Variants in ADAMTSL1 observed in about 807,000 individuals in gnomAD.
The protein encoded by ADAMTSL1 is ADAMTS-like protein 1.
ADAMTSL1 carries 126 observed loss-of-function variants against 201.8 expected under a neutral mutation model. The ratio of observed to expected loss-of-function variants is 0.62; its 90% confidence interval spans 0.54 to 0.72. ADAMTSL1 has a LOEUF of 0.72. ADAMTSL1 is among the 30% of genes least tolerant of loss of function. The pLI is 0.00. For missense variants in ADAMTSL1, 2,679 were observed against 2,277.8 expected (o/e 1.18, Z -3.59); for synonymous variants, 1,121 against 903.4 (o/e 1.24, Z -4.32).
intron 1 of ADAMTSL1, among the ~76,000 whole-genome samples, chr9:18,483,182 A>G (rs962748625): frequency 6.6e-6 from 1 of 152,230 alleles, no homozygotes; most frequent in Non-Finnish European, 1.5e-5. Flanking sequence ...AGAGTTTGAT[A>G]TAGAAAAAGT....
At chr9:18,078,207 A>T (rs755090659) in intron 1 of ADAMTSL1, among the ~76,000 whole-genome samples, 2 of 152,218 alleles carry the variant, frequency 1.3e-5, no homozygotes, top group Non-Finnish European at 2.9e-5. Context: ...CTCATGAGAT[A>T]GAATAAAAAT....
chr9:18,426,055 G>A (rs7037636), intron 2 of ADAMTSL1, among the ~76,000 whole-genome samples: 4,701 of 152,016 alleles, frequency 0.031, 231 homozygotes, highest in African/African-American at 0.1. Context: ...AGTTTATTTC[G>A]TCAAAAGTGT....
At chr9:18,494,303 C>T (rs1822414869) in intron 1 of ADAMTSL1, among the ~76,000 whole-genome samples, 2 of 150,352 alleles carry the variant, frequency 1.3e-5, no homozygotes, top group African/African-American at 4.9e-5. Context: ...TTGCAGTGAG[C>T]TGAGATCACA....
At chr9:18,120,481 C>A (rs1713597258) in intron 1 of ADAMTSL1, among the ~76,000 whole-genome samples, 1 of 152,190 alleles carries the variant, frequency 6.6e-6, no homozygotes, top group Admixed American at 6.5e-5. Flanking sequence ...CTGCCTACCA[C>A]AGCCACATGG....
Position 18,710,417 on chromosome 9 carries a change from C to G in ADAMTSL1, c.1876+3369C>G, listed in dbSNP as rs149759273. Among the ~76,000 whole-genome samples, 299 of 152,344 alleles carry G rather than the reference C, an allele frequency of 2.0e-3. 2 individuals carry two copies. The highest frequency in any genetic ancestry group is 5.4e-3 in the African/African-American group (224 of 41,568). ...TCCCTGTGATAACAGAGATTTAACA[C>G]ACAGCACTGGGGAGGCCTAGAGCCT... On this transcript the variant is annotated intron_variant, in intron 14 of 28. Coordinates refer to ENST00000380548, the MANE Select transcript of ADAMTSL1 (RefSeq NM_001040272.6).
rs573813911 is a variant in ADAMTSL1, at chr9:18,465,305, G to C, written c.208-39524G>C. Among the ~76,000 whole-genome samples, 6 of 152,256 alleles carry C rather than the reference G, an allele frequency of 3.9e-5. No individual in the cohort carries two copies. In the East Asian group the frequency reaches 1.2e-3, roughly 29 times the overall value. On this transcript the variant is annotated intron_variant, in intron 2 of 29. Transcript: ENST00000680146. ...TAGTTTTGCTTAGTCCTGCCACCCTGTATTGCTTTAAAACATACATGTTGT... is the reference window on the plus strand; with the variant it reads ...TAGTTTTGCTTAGTCCTGCCACCCTCTATTGCTTTAAAACATACATGTTGT...
intron 1 of ADAMTSL1, among the ~76,000 whole-genome samples, chr9:18,075,784 G>C (rs1289955506): frequency 1.3e-5 from 2 of 152,172 alleles, no homozygotes; most frequent in African/African-American, 4.8e-5. Flanking sequence ...CCAGGCTTTG[G>C]GGCATTTCCA....
chr9:18,444,248 A>G (rs1056085967), intron 2 of ADAMTSL1, among the ~76,000 whole-genome samples: 4 of 152,166 alleles, frequency 2.6e-5, no homozygotes, highest in Non-Finnish European at 4.4e-5. Context: ...ACTAAGGGTG[A>G]GGCATTGTGC....
At chr9:18,470,280 A>C (rs1821155399), upstream of ADAMTSL1, among the ~76,000 whole-genome samples, 1 of 152,230 alleles carries the variant, frequency 6.6e-6, no homozygotes. Context: ...GGTGATTTGA[A>C]AACTATAATG....
At chr9:18,072,189 CT>C (rs1488218927) in intron 1 of ADAMTSL1, among the ~76,000 whole-genome samples, 2 of 152,158 alleles carry the variant, frequency 1.3e-5, no homozygotes, top group Non-Finnish European at 2.9e-5. Context: ...CAAAAATGGG[CT>C]GATTGAAGGC....
At chr9:18,296,417 TG>T (rs1833480028) in intron 2 of ADAMTSL1, among the ~76,000 whole-genome samples, 2 of 152,122 alleles carry the variant, frequency 1.3e-5, no homozygotes, top group South Asian at 4.1e-4. Flanking sequence ...GATAATGACA[TG>T]GTGATATAAG....
At chr9:18,444,049 G>A (rs763859976) in intron 2 of ADAMTSL1, among the ~76,000 whole-genome samples, 1 of 152,160 alleles carries the variant, frequency 6.6e-6, no homozygotes, top group Non-Finnish European at 1.5e-5. Context: ...CTATAGAAAT[G>A]ATATTGTTTT....
intron 1 of ADAMTSL1, among the ~76,000 whole-genome samples, chr9:18,162,172 G>A (rs944661602): frequency 2.0e-5 from 3 of 151,990 alleles, no homozygotes; most frequent in African/African-American, 4.8e-5. Context: ...CCTCTTTCAA[G>A]CTTCCTTCTC....
chr9:18,582,747 G>T (rs1203758850), intron 4 of ADAMTSL1, among the ~76,000 whole-genome samples: 1 of 151,954 alleles, frequency 6.6e-6, no homozygotes, highest in Non-Finnish European at 1.5e-5. Context: ...TTCTCTGGAG[G>T]CTGAAGCAGG....
intron 15 of ADAMTSL1, among the ~76,000 whole-genome samples, chr9:18,737,343 A>AAAAAAT: frequency 6.7e-6 from 1 of 149,162 alleles, no homozygotes; most frequent in Non-Finnish European, 1.5e-5. Flanking sequence ...AAAAAAAAAA[A>AAAAAAT]GTGAAGTACA....
At chr9:18,148,682 A>T (rs2132034714) in intron 1 of ADAMTSL1, among the ~76,000 whole-genome samples, 1 of 152,172 alleles carries the variant, frequency 6.6e-6, no homozygotes, top group East Asian at 1.9e-4. Flanking sequence ...AATAAGCAGG[A>T]CCTTCAAATG....
At chr9:17,999,367 G>T (rs1819515450) in intron 1 of ADAMTSL1, among the ~76,000 whole-genome samples, 1 of 151,940 alleles carries the variant, frequency 6.6e-6, no homozygotes, top group Non-Finnish European at 1.5e-5. Flanking sequence ...GTTAGCTGCT[G>T]TGATGCTTCT....
rs1230779821 is a variant in ADAMTSL1, at chr9:18,738,141, G to A, written c.2007-15157G>A. Among the ~76,000 whole-genome samples, 3 of 152,172 alleles carry A rather than the reference G, an allele frequency of 2.0e-5. No individual in the cohort carries two copies. In the East Asian group the frequency reaches 5.8e-4, roughly 29 times the overall value. ...AAAAATGCACTAAGAGCTGGAATCAGGTGATAGAATAGGGGACCCAGATGG... is the reference window on the plus strand; with the variant it reads ...AAAAATGCACTAAGAGCTGGAATCAAGTGATAGAATAGGGGACCCAGATGG... On this transcript the variant is annotated intron_variant, in intron 15 of 28. Coordinates refer to ENST00000380548, the MANE Select transcript of ADAMTSL1 (RefSeq NM_001040272.6).
chr9:17,914,377 CA>C (rs1370220140), intron 1 of ADAMTSL1, among the ~76,000 whole-genome samples: 1 of 152,134 alleles, frequency 6.6e-6, no homozygotes, highest in Non-Finnish European at 1.5e-5. Flanking sequence ...ATACGTAAAT[CA>C]ATAAATGTGA....
Sources: allele counts gnomAD v4.1 joint callset (sites outside exome capture counted in the v4.1 genomes callset), GRCh38; gene constraint gnomAD v4.1.1; transcripts MANE v1.5; gene names NCBI Gene and HGNC (gene_info 2026-07-23, HGNC 2026-07-21).